Variants in DRAM1 observed in about 807,000 individuals in gnomAD.
DRAM1 encodes DNA damage regulated autophagy modulator 1.
DRAM1 carries 25 observed loss-of-function variants against 28.5 expected under a neutral mutation model. The ratio of observed to expected loss-of-function variants is 0.88; its 90% CI spans 0.64 to 1.23. The LOEUF (loss-of-function observed/expected upper bound fraction) is 1.23, where lower values mean the gene tolerates loss of function less well. Among genes scored for constraint, DRAM1 ranks in the 50% most tolerant of loss-of-function variants. The pLI is 0.00. For synonymous variants in DRAM1, 113 were observed against 114.2 expected, an observed-to-expected ratio of 0.99 and a Z score of 0.07; for missense variants, 249 against 299.2, an observed-to-expected ratio of 0.83 and a Z score of 1.24.
chr12:101,906,827 C>T lies in DRAM1; in HGVS notation c.343-1359C>T, dbSNP rs147211731. 9.6e-3 allele frequency among the ~76,000 whole-genome samples: 1,380 copies of T among 143,770 alleles called. 26 individuals are homozygous for T. Among genetic ancestry groups the T allele is most frequent in the African/African-American group, 0.034 (1,304 of 38,422 alleles). The allele number at this position is 143,770 out of a possible 152,430, so 94.3% of individuals were successfully genotyped here. ...CTGAGATCTCATCACTGCACTCCAG[C>T]CTGGGTGACAGAGCAAGACTCTGCC... On this transcript the variant is annotated intron_variant, in intron 3 of 6. Coordinates refer to ENST00000258534, the MANE Select transcript of DRAM1 (RefSeq NM_018370.3).
rs147989181 is a variant in DRAM1, at chr12:101,915,335, G to A, written c.579+1103G>A. On this transcript the variant is annotated intron_variant, in intron 5 of 6. Transcript: ENST00000258534. Reference sequence around the variant, plus strand: ...TATCTTTAGTAAAAGAGGGTAGAGGGACAGTGTGAATGAAGGTGTTTGGTG... The same window carrying A: ...TATCTTTAGTAAAAGAGGGTAGAGGAACAGTGTGAATGAAGGTGTTTGGTG... Among the ~76,000 whole-genome samples, 378 of 152,234 alleles carry A rather than the reference G, an allele frequency of 2.5e-3. 2 individuals are homozygous for A. Among genetic ancestry groups the A allele is most frequent in the African/African-American group, 8.6e-3 (358 of 41,550 alleles).
intron 3 of DRAM1, among the ~76,000 whole-genome samples, chr12:101,904,424 G>T (rs1873719192): frequency 7.1e-5 from 3 of 42,402 alleles, no homozygotes; most frequent in Non-Finnish European, 6.7e-5. Context: ...TAGAGCTTTA[G>T]GGGTTTTTTT....
At chr12:101,882,977 C>T (rs1872742440) in intron 1 of DRAM1, among the ~76,000 whole-genome samples, 2 of 150,302 alleles carry the variant, frequency 1.3e-5, no homozygotes, top group African/African-American at 4.9e-5. Flanking sequence ...TAGAGAATTG[C>T]CTAAATAAAT....
chr12:101,883,653 G>A (rs1362141522), intron 1 of DRAM1, among the ~76,000 whole-genome samples: 1 of 150,604 alleles, frequency 6.6e-6, no homozygotes, highest in Admixed American at 6.6e-5. Context: ...AAAACATGAG[G>A]CCGGGCGCAG....
At chr12:101,885,094 C>T (rs183938709) in intron 1 of DRAM1, among the ~76,000 whole-genome samples, 49 of 152,170 alleles carry the variant, frequency 3.2e-4, no homozygotes, top group Admixed American at 2.0e-4. Context: ...CCACCACGCC[C>T]GGCTAATTTT....
At chr12:101,894,930 C>T (rs1247707293) in intron 1 of DRAM1, among the ~76,000 whole-genome samples, 1 of 152,174 alleles carries the variant, frequency 6.6e-6, no homozygotes, top group South Asian at 2.1e-4. Flanking sequence ...TAGGATGAGT[C>T]ACCTGGTGCC....
At chr12:101,908,761 T>C (rs1414518076) in intron 4 of DRAM1, among the ~76,000 whole-genome samples, 1 of 151,914 alleles carries the variant, frequency 6.6e-6, no homozygotes, top group Non-Finnish European at 1.5e-5. Flanking sequence ...GGTTCTTTGC[T>C]AAAACTGGAT....
chr12:101,903,936 C>T (rs1212356898), intron 3 of DRAM1, among the ~76,000 whole-genome samples: 1 of 139,166 alleles, frequency 7.2e-6, no homozygotes, highest in Non-Finnish European at 1.5e-5. Context: ...TACACACACA[C>T]ACACACACAC....
At chr12:101,896,450 A>C (rs918536487) in intron 1 of DRAM1, among the ~76,000 whole-genome samples, 1 of 152,164 alleles carries the variant, frequency 6.6e-6, no homozygotes, top group Non-Finnish European at 1.5e-5. Flanking sequence ...AAAAAAATTA[A>C]AGCTTGGCAC....
At position 101,877,653 on chromosome 12, in the gene DRAM1, C is replaced by T; in HGVS notation, c.-137C>T. 1 of 559,702 alleles carries T rather than the reference C, an allele frequency of 1.8e-6. No homozygotes were observed. 34.7% of individuals were successfully genotyped at this position (559,702 alleles called of 1,614,324 possible). On this transcript the variant is annotated 5_prime_UTR_variant, in exon 1 of 7. Coordinates refer to ENST00000258534, the MANE Select transcript of DRAM1 (RefSeq NM_018370.3). This position sits in a 1 kb window ranked among gnomAD's most constrained non-coding sequence, Gnocchi z 4.1. Reference sequence around the variant, plus strand: ...GCTTCCCCTCCCTCCGGGGCTGGGCCTGCCCCGGCCGTCGCGGAGCCTCCC... The same window carrying T: ...GCTTCCCCTCCCTCCGGGGCTGGGCTTGCCCCGGCCGTCGCGGAGCCTCCC...
chr12:101,895,657 G>A (rs1250305665), intron 1 of DRAM1, among the ~76,000 whole-genome samples: 1 of 129,168 alleles, frequency 7.7e-6, no homozygotes, highest in Non-Finnish European at 1.5e-5. Context: ...TGCAACCTCC[G>A]CCCTCTGAGT....
At chr12:101,886,524 C>T (rs1341653573) in intron 1 of DRAM1, among the ~76,000 whole-genome samples, 2 of 152,162 alleles carry the variant, frequency 1.3e-5, no homozygotes, top group Admixed American at 1.3e-4. Flanking sequence ...TAGAAGTGAT[C>T]GCTTTATATG....
intron 4 of DRAM1, among the ~76,000 whole-genome samples, chr12:101,912,770 G>C (rs900332890): frequency 1.5e-5 from 2 of 137,116 alleles, no homozygotes; most frequent in African/African-American, 2.8e-5. Flanking sequence ...GTCTCACCCT[G>C]TTGCCCAGGT....
chr12:101,895,280 T>C (rs4764671), intron 1 of DRAM1, among the ~76,000 whole-genome samples: 74,863 of 144,436 alleles, frequency 0.52, 19,716 homozygotes, highest in East Asian at 0.65. Flanking sequence ...TGGGTTCAAG[T>C]GATTCTCCTG....
intron 3 of DRAM1, among the ~76,000 whole-genome samples, chr12:101,906,492 C>G (rs1239594113): frequency 6.6e-6 from 1 of 152,200 alleles, no homozygotes; most frequent in Non-Finnish European, 1.5e-5. Flanking sequence ...CATGTTCAAG[C>G]TTAAGTCAAG....
intron 5 of DRAM1, among the ~76,000 whole-genome samples, chr12:101,914,824 T>C (rs911566254): frequency 1.1e-4 from 17 of 151,204 alleles, no homozygotes; most frequent in African/African-American, 4.1e-4. Flanking sequence ...GCCTGGCTAA[T>C]TTTTGTATTT....
intron 3 of DRAM1, among the ~76,000 whole-genome samples, chr12:101,905,356 A>G (rs1873766443): frequency 6.6e-6 from 1 of 152,112 alleles, no homozygotes; most frequent in Non-Finnish European, 1.5e-5. Context: ...ATCATGGCTC[A>G]CTGCAATCTC....
chr12:101,877,695 GT>G lies in DRAM1; in HGVS notation c.-94del. On this transcript the variant is annotated 5_prime_UTR_variant, in exon 1 of 7. Coordinates refer to ENST00000258534, the MANE Select transcript of DRAM1 (RefSeq NM_018370.3). This position sits in a 1 kb window ranked among gnomAD's most constrained non-coding sequence, Gnocchi z 4.1. Reference sequence around the variant, plus strand: ...GAGCCTCCCCTCCCACCGTCCGTGAGTGTACGCGCCCGGCCGCCGCCTCCAG... The same window carrying G: ...GAGCCTCCCCTCCCACCGTCCGTGAGGTACGCGCCCGGCCGCCGCCTCCAG... 2 of 1,011,316 alleles carry G rather than the reference GT, an allele frequency of 2.0e-6. No homozygotes were observed. Among genetic ancestry groups the G allele is most frequent in the Non-Finnish European group, 2.5e-6 (2 of 786,870 alleles). 62.6% of individuals were successfully genotyped at this position (1,011,316 alleles called of 1,614,324 possible).
At chr12:101,904,388 C>CTTT (rs386377571) in intron 3 of DRAM1, among the ~76,000 whole-genome samples, 173 of 103,008 alleles carry the variant, frequency 1.7e-3, no homozygotes, top group South Asian at 4.0e-3. Flanking sequence ...TTCACATATT[C>CTTT]TTTTTTTTTT....
Sources: allele counts gnomAD v4.1 joint callset (sites outside exome capture counted in the v4.1 genomes callset), GRCh38; gene constraint gnomAD v4.1.1; non-coding constraint Gnocchi (gnomAD v3.1); transcripts MANE v1.5; gene names NCBI Gene and HGNC (gene_info 2026-07-23, HGNC 2026-07-21).